NKAIN2: variants seen among roughly 807,000 people sequenced by gnomAD.
The protein encoded by NKAIN2 is sodium/potassium-transporting ATPase subunit beta-1-interacting protein 2.
Under a neutral mutation model 32.6 loss-of-function variants are expected in NKAIN2, and 14 were observed. That is an observed-to-expected ratio of 0.43 (90% confidence interval 0.28 to 0.67). NKAIN2 has a LOEUF of 0.67. Among genes scored for constraint, NKAIN2 ranks in the 30% least tolerant of loss-of-function variants. NKAIN2 has a pLI of 0.17. For missense variants in NKAIN2, 198 were observed against 258.3 expected (o/e 0.77, Z 1.60); for synonymous variants, 80 against 87.2 (o/e 0.92, Z 0.46).
At chr6:124,497,476 A>C (rs542480302) in intron 3 of NKAIN2, among the ~76,000 whole-genome samples, 15 of 152,272 alleles carry the variant, frequency 9.9e-5, no homozygotes, top group African/African-American at 3.4e-4. Context: ...ACTTTTAATA[A>C]GAAGCCTCAA....
At chr6:123,943,818 G>A (rs1320616399) in intron 1 of NKAIN2, among the ~76,000 whole-genome samples, 1 of 151,832 alleles carries the variant, frequency 6.6e-6, no homozygotes, top group Admixed American at 6.6e-5. Context: ...ATTTTATAAG[G>A]GTCAGAACAC....
At chr6:124,523,947 C>T (rs574961377) in intron 3 of NKAIN2, among the ~76,000 whole-genome samples, 2 of 152,166 alleles carry the variant, frequency 1.3e-5, no homozygotes, top group Non-Finnish European at 2.9e-5. Flanking sequence ...CTTCAGAACA[C>T]ATCAGTAGGG....
At chr6:124,679,318 G>T (rs929696606) in intron 4 of NKAIN2, among the ~76,000 whole-genome samples, 1 of 151,940 alleles carries the variant, frequency 6.6e-6, no homozygotes, top group Non-Finnish European at 1.5e-5. Context: ...TTTCAGTGAC[G>T]CTCAAATTGG....
intron 1 of NKAIN2, among the ~76,000 whole-genome samples, chr6:123,819,558 T>C (rs1773839054): frequency 6.6e-6 from 1 of 152,182 alleles, no homozygotes; most frequent in Non-Finnish European, 1.5e-5. Flanking sequence ...GAAAATACAG[T>C]CTGAACTGAG....
At chr6:123,914,227 GAC>G (rs1554222782) in intron 1 of NKAIN2, among the ~76,000 whole-genome samples, 27 of 122,402 alleles carry the variant, frequency 2.2e-4, no homozygotes, top group Admixed American at 6.1e-4. Context: ...GAGAGAGAGA[GAC>G]AGACAGACAG....
rs534019222 is a variant in NKAIN2 at position 124,040,232 on chromosome 6, G to A, written c.54+235978G>A. On this transcript the variant is annotated intron_variant, in intron 1 of 6. Coordinates refer to ENST00000368417, the MANE Select transcript of NKAIN2 (RefSeq NM_001040214.3). ...ATTGTATTTGCTAATATTTTATTTA[G>A]GAATTTTATAAATATTTATGTAAGA... is the stretch of plus-strand genomic sequence containing the variant. Among the ~76,000 whole-genome samples the A allele has an allele frequency of 1.8e-3, 272 of 151,766 alleles. 2 individuals are homozygous for A. Among genetic ancestry groups the A allele is most frequent in the Middle Eastern group, 0.014 (4 of 292 alleles).
At chr6:124,721,139 G>A (rs1287960153) in intron 4 of NKAIN2, among the ~76,000 whole-genome samples, 4 of 152,104 alleles carry the variant, frequency 2.6e-5, no homozygotes, top group African/African-American at 4.8e-5. Flanking sequence ...AACGTTGGCC[G>A]GGCGCGGTGG....
intron 3 of NKAIN2, among the ~76,000 whole-genome samples, chr6:124,513,374 A>G (rs1445329196): frequency 6.6e-6 from 1 of 152,218 alleles, no homozygotes; most frequent in Non-Finnish European, 1.5e-5. Context: ...ATGCAACAAT[A>G]TATAGCAAAT....
chr6:124,205,892 A>G (rs1268944229), intron 1 of NKAIN2, among the ~76,000 whole-genome samples: 1 of 151,892 alleles, frequency 6.6e-6, no homozygotes, highest in East Asian at 1.9e-4. Context: ...ATTCTTAAAC[A>G]ACAGGTTTAC....
chr6:123,837,568 A>AT (rs768426421), intron 1 of NKAIN2, among the ~76,000 whole-genome samples: 4 of 152,152 alleles, frequency 2.6e-5, no homozygotes, highest in Non-Finnish European at 5.9e-5. Flanking sequence ...TAACTGTTTG[A>AT]TTTTTACGAA....
intron 3 of NKAIN2, among the ~76,000 whole-genome samples, chr6:124,511,404 A>G (rs745949511): frequency 6.6e-6 from 1 of 152,192 alleles, no homozygotes; most frequent in African/African-American, 2.4e-5. Context: ...AGAAGAAATC[A>G]TAGGTCACTT....
At chr6:124,366,497 T>G (rs1799523200) in intron 3 of NKAIN2, among the ~76,000 whole-genome samples, 1 of 152,132 alleles carries the variant, frequency 6.6e-6, no homozygotes, top group African/African-American at 2.4e-5. Context: ...GAAAAATTCT[T>G]AAAAATGTTT....
At chr6:124,091,761 C>T (rs781508023) in intron 1 of NKAIN2, among the ~76,000 whole-genome samples, 2 of 151,892 alleles carry the variant, frequency 1.3e-5, no homozygotes, top group Admixed American at 6.6e-5. Context: ...ACATACACAT[C>T]GTGTTGTTTA....
At chr6:124,619,996 G>T (rs1474198215) in intron 3 of NKAIN2, among the ~76,000 whole-genome samples, 1 of 152,044 alleles carries the variant, frequency 6.6e-6, no homozygotes, top group South Asian at 2.1e-4. Flanking sequence ...TACCTATCAG[G>T]TACTCAAATA....
intron 1 of NKAIN2, among the ~76,000 whole-genome samples, chr6:124,007,776 A>G (rs1476122741): frequency 1.3e-5 from 2 of 152,042 alleles, no homozygotes; most frequent in Admixed American, 1.3e-4. Flanking sequence ...CATCCCTTAG[A>G]CTCACTGGTG....
At chr6:124,760,072 G>T (rs918754643) in intron 4 of NKAIN2, among the ~76,000 whole-genome samples, 3 of 151,998 alleles carry the variant, frequency 2.0e-5, no homozygotes, top group Admixed American at 1.3e-4. Flanking sequence ...TTAAAAATGG[G>T]CAGTTTCATA....
intron 3 of NKAIN2, among the ~76,000 whole-genome samples, chr6:124,550,989 G>A (rs957667213): frequency 6.6e-6 from 1 of 152,140 alleles, no homozygotes; most frequent in East Asian, 1.9e-4. Flanking sequence ...GAATTGCAAG[G>A]CTTTATGGAT....
chr6:124,639,266 C>T (rs1583565562), intron 3 of NKAIN2, among the ~76,000 whole-genome samples: 1 of 152,108 alleles, frequency 6.6e-6, no homozygotes. Context: ...ATATCTGCAC[C>T]CCCATGTTTA....
chr6:124,139,735 ATTACT>A (rs912584928), intron 1 of NKAIN2, among the ~76,000 whole-genome samples: 171 of 152,274 alleles, frequency 1.1e-3, no homozygotes, highest in African/African-American at 3.9e-3. Context: ...TTTCCTGAAA[ATTACT>A]TTAAATCATT....
Sources: gnomAD v4.1 joint callset for allele counts (sites outside exome capture counted in the v4.1 genomes callset) on GRCh38, gnomAD v4.1.1 for gene constraint, MANE v1.5 for transcripts, NCBI Gene and HGNC (gene_info 2026-07-23, HGNC 2026-07-21) for gene names.